Variants in STON1 observed in about 807,000 individuals in gnomAD.
The protein encoded by STON1 is stonin 1.
A neutral mutation model predicts 60.9 loss-of-function variants in STON1; 79 were observed. The ratio of observed to expected loss-of-function variants is 1.30; its 90% CI spans 1.08 to 1.56. The LOEUF is 1.56. STON1 is among the 40% of genes most tolerant of loss of function. The pLI, the probability that STON1 is intolerant of heterozygous loss-of-function variation, is 0.00. For missense variants in STON1, 1,166 were observed against 858.9 expected (o/e 1.36, Z -4.47); for synonymous variants, 363 against 306.9 (o/e 1.18, Z -1.91).
chr2:48,562,968 A>C (rs543384367), intron 1 of STON1, among the ~76,000 whole-genome samples: 322 of 152,350 alleles, frequency 2.1e-3, no homozygotes, highest in South Asian at 6.6e-3. Context: ...GAGTTCAGTG[A>C]TACTTACTCA....
chr2:48,539,048 G>A (rs1432685531), intron 1 of STON1, among the ~76,000 whole-genome samples: 3 of 152,036 alleles, frequency 2.0e-5, no homozygotes, highest in African/African-American at 7.2e-5. Context: ...CTCCCTAGTA[G>A]CTGAGACTAC....
At position 48,568,573 on chromosome 2, in the gene STON1, C is replaced by T. The variant is rs1380125915; in HGVS notation, c.-47-12014C>T. 2.0e-5 allele frequency among the ~76,000 whole-genome samples: 3 copies of T among 152,008 alleles called. No homozygotes were observed. In the South Asian group the frequency reaches 6.2e-4, roughly 32 times the overall value. On this transcript the variant is annotated intron_variant, in intron 1 of 3. Transcript: ENST00000404752. Reference sequence around the variant, plus strand: ...GGAAAATTACAGAGAATACTGGAATCGCCACTAAAAGAGAGGCAGGGCACC... The same window carrying T: ...GGAAAATTACAGAGAATACTGGAATTGCCACTAAAAGAGAGGCAGGGCACC...
intron 1 of STON1, among the ~76,000 whole-genome samples, chr2:48,569,808 G>A (rs1673108789): frequency 6.6e-6 from 1 of 152,252 alleles, no homozygotes; most frequent in East Asian, 1.9e-4. Flanking sequence ...AAGTGTTTTA[G>A]ATTTTTTTGG....
intron 1 of STON1, among the ~76,000 whole-genome samples, chr2:48,553,160 G>A (rs1672171151): frequency 6.6e-6 from 1 of 152,182 alleles, no homozygotes; most frequent in Non-Finnish European, 1.5e-5. Flanking sequence ...GGTCAGAGCA[G>A]TGACAGCGCC....
At chr2:48,570,934 C>T (rs1422469151) in intron 1 of STON1, among the ~76,000 whole-genome samples, 1 of 135,494 alleles carries the variant, frequency 7.4e-6, no homozygotes, top group Non-Finnish European at 1.5e-5. Flanking sequence ...GTGATCTTGG[C>T]TCACTGCAAC....
intron 1 of STON1, among the ~76,000 whole-genome samples, chr2:48,568,156 G>A (rs1265250384): frequency 6.6e-6 from 1 of 152,134 alleles, no homozygotes; most frequent in Non-Finnish European, 1.5e-5. Context: ...GATACCAGGA[G>A]GCTACTGAGA....
intron 1 of STON1, among the ~76,000 whole-genome samples, chr2:48,573,283 A>G (rs1037917643): frequency 1.3e-5 from 2 of 152,216 alleles, no homozygotes; most frequent in Non-Finnish European, 2.9e-5. Context: ...GGATCACTTC[A>G]GCCCAGGAAT....
chr2:48,566,798 C>T (rs976670785), intron 1 of STON1, among the ~76,000 whole-genome samples: 3 of 152,122 alleles, frequency 2.0e-5, no homozygotes, highest in Non-Finnish European at 2.9e-5. Flanking sequence ...GGCAGCCTTG[C>T]GTTTTCTCAG....
chr2:48,552,570 C>T (rs182356956), intron 1 of STON1, among the ~76,000 whole-genome samples: 1 of 151,926 alleles, frequency 6.6e-6, no homozygotes, highest in Admixed American at 6.6e-5. Context: ...CGGGACCAGC[C>T]TTGCCAACAT....
At chr2:48,564,505 T>TTCTTCC (rs1672807574) in intron 1 of STON1, among the ~76,000 whole-genome samples, 1 of 25,582 alleles carries the variant, frequency 3.9e-5, no homozygotes, top group Non-Finnish European at 7.2e-5. Flanking sequence ...CTTCTTCTTC[T>TTCTTCC]TCTTCTTCTT....
Position 48,581,754 on chromosome 2 carries a change from A to G in STON1, c.1121A>G (p.Gln374Arg), listed in dbSNP as rs1251110252. ...GTAGTTCATGAACCTGACATAGAGC[A>G]GATGCTGAAGTTGGGGTCCACATCG... ...TEVVHEPDIE[Q>R]MLKLGSTSYH... is the part of the protein sequence containing the mutation. The change falls in exon 2 of 4, where the codon CAG becomes CGG. Residue 374 changes from glutamine to arginine, a missense_variant. Coordinates refer to ENST00000404752, the MANE Select transcript of STON1 (RefSeq NM_006873.4). 1.2e-6 allele frequency: 2 copies of G among 1,613,500 alleles called. No homozygotes were observed. Among genetic ancestry groups the G allele is most frequent in the Middle Eastern group, 3.3e-4 (2 of 6,056 alleles).
rs1422398087 is a variant in STON1 at position 48,564,588 on chromosome 2, C to T, written c.-47-15999C>T. ...TCTTCTCCTTCTCCTTCTCCTCCTC[C>T]TCCTCCTCCTCCTCCTTCTCCTTCT... On this transcript the variant is annotated intron_variant, in intron 1 of 3. Transcript: ENST00000404752. 5.6e-4 allele frequency among the ~76,000 whole-genome samples: 36 copies of T among 63,998 alleles called. 7 individuals carry two copies. The highest frequency in any genetic ancestry group is 9.3e-4 in the Non-Finnish European group (26 of 27,914). The allele number at this position is 63,998 out of a possible 152,430, so 42.0% of individuals were successfully genotyped here. A position where few individuals can be genotyped will look rare whatever the true frequency, so the allele number is the denominator to read the frequency against.
rs547035657 is a variant in STON1 at position 48,554,251 on chromosome 2, T to C, written c.-48+24035T>C. Among the ~76,000 whole-genome samples, 105 of 152,256 alleles carry C rather than the reference T, an allele frequency of 6.9e-4. 1 individual carries two copies. The highest frequency in any genetic ancestry group is 2.5e-3 in the African/African-American group (102 of 41,526). On this transcript the variant is annotated intron_variant, in intron 1 of 3. Coordinates refer to ENST00000404752, the MANE Select transcript of STON1 (RefSeq NM_006873.4). Reference sequence around the variant, plus strand: ...GTTTATTTGTTTTTGAGACAGAGTCTCTCTTTGTCGCCCGAGCTGGAGGGC... The same window carrying C: ...GTTTATTTGTTTTTGAGACAGAGTCCCTCTTTGTCGCCCGAGCTGGAGGGC...
intron 1 of STON1, among the ~76,000 whole-genome samples, chr2:48,566,485 G>A (rs748555984): frequency 6.6e-6 from 1 of 151,588 alleles, no homozygotes; most frequent in East Asian, 1.9e-4. Context: ...GTTTCACCAT[G>A]TTGGTCAGGC....
intron 1 of STON1, among the ~76,000 whole-genome samples, chr2:48,557,922 A>G (rs1181748221): frequency 1.3e-5 from 2 of 152,208 alleles, no homozygotes; most frequent in East Asian, 1.9e-4. Flanking sequence ...TAGGACCTTA[A>G]TAAAGAATTT....
rs749401652 is a variant in STON1, at chr2:48,559,414, C to T, written c.-47-21173C>T. ...GCACCTTCTATGTGTTCTCAGATGGCGGAAGGGACAAACAAGCTCTCTGGG... is the reference window on the plus strand; with the variant it reads ...GCACCTTCTATGTGTTCTCAGATGGTGGAAGGGACAAACAAGCTCTCTGGG... On this transcript the variant is annotated intron_variant, in intron 1 of 3. Transcript: ENST00000404752. Among the ~76,000 whole-genome samples, 31 of 152,206 alleles carry T rather than the reference C, an allele frequency of 2.0e-4. 1 individual carries two copies. Among genetic ancestry groups the T allele is most frequent in the African/African-American group, 6.3e-4 (26 of 41,534 alleles).
chr2:48,540,803 C>G (rs74899837), intron 1 of STON1, among the ~76,000 whole-genome samples: 1,726 of 152,256 alleles, frequency 0.011, 24 homozygotes, highest in African/African-American at 0.025. Context: ...CCTATGGGAT[C>G]TGACACTATC....
At chr2:48,533,469 G>A (rs948467595) in intron 1 of STON1, among the ~76,000 whole-genome samples, 7 of 151,408 alleles carry the variant, frequency 4.6e-5, no homozygotes, top group Non-Finnish European at 7.4e-5. Flanking sequence ...CAGGTGGATC[G>A]CCTGAGGTCA....
intron 1 of STON1, among the ~76,000 whole-genome samples, chr2:48,535,352 A>G (rs1370217654): frequency 6.6e-6 from 1 of 152,094 alleles, no homozygotes; most frequent in Admixed American, 6.6e-5. Context: ...TGATTGGGTG[A>G]GGTGGAAATA....
Sources: allele counts gnomAD v4.1 joint callset (sites outside exome capture counted in the v4.1 genomes callset), GRCh38; gene constraint gnomAD v4.1.1; transcripts MANE v1.5; gene names NCBI Gene and HGNC (gene_info 2026-07-23, HGNC 2026-07-21).